Variants in IQGAP2 observed in about 807,000 individuals in gnomAD.
IQGAP2 encodes ras GTPase-activating-like protein IQGAP2.
A neutral mutation model predicts 201.3 loss-of-function variants in IQGAP2; 173 were observed. The observed-to-expected ratio is 0.86, with a 90% confidence interval of 0.76 to 0.98. IQGAP2 has a LOEUF of 0.98. IQGAP2 is among the 50% of genes least tolerant of loss of function. IQGAP2 has a pLI of 0.00. For missense variants in IQGAP2, 1,687 were observed against 1,864.8 expected (o/e 0.90, Z 1.76); for synonymous variants, 675 against 673.9 (o/e 1.00, Z -0.03).
intron 13 of IQGAP2, among the ~76,000 whole-genome samples, chr5:76,620,327 C>T (rs191775882): frequency 8.6e-5 from 13 of 151,860 alleles, no homozygotes; most frequent in Middle Eastern, 6.8e-3. Flanking sequence ...AAGGCAGAGG[C>T]GAACACGTGA....
chr5:76,634,157 C>A (rs151019484), intron 15 of IQGAP2, among the ~76,000 whole-genome samples: 18 of 152,226 alleles, frequency 1.2e-4, no homozygotes, highest in Non-Finnish European at 2.6e-4. Context: ...TGAAATCCAG[C>A]CACACATTAA....
intron 32 of IQGAP2, among the ~76,000 whole-genome samples, chr5:76,697,521 G>A (rs762993944): frequency 3.3e-5 from 5 of 152,154 alleles, no homozygotes; most frequent in Non-Finnish European, 7.4e-5. Flanking sequence ...GCACGGGCCT[G>A]CAGCCCCAGC....
At chr5:76,522,568 C>T (rs550288848) in intron 2 of IQGAP2, among the ~76,000 whole-genome samples, 28 of 152,332 alleles carry the variant, frequency 1.8e-4, no homozygotes, top group African/African-American at 6.7e-4. Context: ...TTCATTTAGG[C>T]ATGCTAAATT....
In IQGAP2 at chr5:76,624,972, G is replaced by A. The variant is rs1238177782; in HGVS notation, c.1522-2438G>A. On this transcript the variant is annotated intron_variant, in intron 13 of 35. Coordinates refer to ENST00000274364, the MANE Select transcript of IQGAP2 (RefSeq NM_006633.5). ...GCCTGTTATCCCAGCTACTTGGGAG[G>A]CTGAGGCAGGAGAATAGCTTGACCC... 2.0e-5 allele frequency among the ~76,000 whole-genome samples: 3 copies of A among 152,188 alleles called. No individual in the cohort carries two copies. The East Asian group carries it at 5.8e-4, about 29-fold the overall frequency.
chr5:76,610,010 C>T (rs1354462642), intron 12 of IQGAP2, among the ~76,000 whole-genome samples: 1 of 129,146 alleles, frequency 7.7e-6, no homozygotes, highest in South Asian at 2.8e-4. Flanking sequence ...GACTTCTGTG[C>T]TTTTCATTTG....
intron 1 of IQGAP2, among the ~76,000 whole-genome samples, chr5:76,432,144 G>C (rs76751674): frequency 1.5e-4 from 1 of 6,658 alleles, no homozygotes; most frequent in South Asian, 3.7e-3. Flanking sequence ...TTTTTTTTTT[G>C]AGATGGAGTC....
At chr5:76,526,451 G>A (rs1363033072) in intron 2 of IQGAP2, among the ~76,000 whole-genome samples, 1 of 152,154 alleles carries the variant, frequency 6.6e-6, no homozygotes, top group East Asian at 1.9e-4. Context: ...AGTGTCAGAA[G>A]TGGGATATAA....
chr5:76,589,779 C>A (rs376754107), intron 7 of IQGAP2, 51 bp downstream of exon 7: 2 of 910,440 alleles, frequency 2.2e-6, no homozygotes, highest in Non-Finnish European at 3.3e-6. Context: ...CTTACCTGTA[C>A]TTTACCTATT....
At chr5:76,496,699 TG>T (rs1756909775) in intron 2 of IQGAP2, among the ~76,000 whole-genome samples, 1 of 71,012 alleles carries the variant, frequency 1.4e-5, no homozygotes, top group African/African-American at 6.6e-5. Flanking sequence ...TCTTTCTTTC[TG>T]TCTCTTTCTT....
At chr5:76,559,602 T>C (rs772890733) in intron 2 of IQGAP2, among the ~76,000 whole-genome samples, 1 of 152,220 alleles carries the variant, frequency 6.6e-6, no homozygotes, top group Non-Finnish European at 1.5e-5. Flanking sequence ...GTTTCTTTTA[T>C]GCCTTTAGTT....
Position 76,637,144 on chromosome 5 carries a change from A to G in IQGAP2, c.1891A>G (p.Lys631Glu), listed in dbSNP as rs181383719. The change falls in exon 16 of 36, where the codon AAA becomes GAA. Residue 631 changes from lysine to glutamate, a missense_variant. By Grantham distance (56) the Lys-to-Glu change is moderately conservative (BLOSUM62 1). Transcript: ENST00000274364. Reference protein sequence around the residue: ...SWVTPESCLYKESWLTGKEIE... With the variant: ...SWVTPESCLYEESWLTGKEIE... ...GGTCACACCTGAATCATGCTTGTAT[A>G]AAGAATCATGGCTCACAGGAAAAGA... 12 of 1,609,664 alleles carry G rather than the reference A, an allele frequency of 7.5e-6. No individual in the cohort carries two copies. The Admixed American group carries it at 2.0e-4, about 27-fold the overall frequency.
intron 11 of IQGAP2, among the ~76,000 whole-genome samples, chr5:76,604,161 T>C (rs2150327858): frequency 6.6e-6 from 1 of 152,062 alleles, no homozygotes; most frequent in South Asian, 2.1e-4. Flanking sequence ...TCGGTGTATG[T>C]TGTTGTTCCC....
intron 1 of IQGAP2, among the ~76,000 whole-genome samples, chr5:76,452,998 C>T (rs1753862512): frequency 6.6e-6 from 1 of 151,232 alleles, no homozygotes; most frequent in South Asian, 2.1e-4. Flanking sequence ...GCAACCTCCG[C>T]CTCCCAGGTC....
intron 1 of IQGAP2, among the ~76,000 whole-genome samples, chr5:76,448,044 G>T (rs1753504423): frequency 6.6e-6 from 1 of 152,154 alleles, no homozygotes; most frequent in African/African-American, 2.4e-5. Flanking sequence ...GATGTGTGGA[G>T]GTCCAGAGAG....
chr5:76,445,790 C>A (rs1218125650), intron 1 of IQGAP2, among the ~76,000 whole-genome samples: 1 of 152,098 alleles, frequency 6.6e-6, no homozygotes. Flanking sequence ...AAGTGTACGT[C>A]TCTGTGGCAT....
At chr5:76,527,224 C>T (rs995028354) in intron 2 of IQGAP2, among the ~76,000 whole-genome samples, 5 of 152,194 alleles carry the variant, frequency 3.3e-5, no homozygotes, top group Non-Finnish European at 7.3e-5. Context: ...GGGAGAGCTT[C>T]GCCTCTGCAG....
rs537995348 is a variant in IQGAP2 at position 76,537,288 on chromosome 5, A to G, written c.147-25108A>G. On this transcript the variant is annotated intron_variant, in intron 2 of 35. Transcript: ENST00000274364. ...AGGTTAATAAAGGCCTGTCCGGAAT[A>G]GTATAATGTGCAGTGGTTTCCAGCC... 9.8e-5 allele frequency among the ~76,000 whole-genome samples: 15 copies of G among 152,346 alleles called. No homozygotes were observed. The South Asian group carries it at 2.9e-3, about 29-fold the overall frequency.
chr5:76,436,517 A>ATTTTTTTT (rs1166580477), intron 1 of IQGAP2, among the ~76,000 whole-genome samples: 1 of 21,042 alleles, frequency 4.8e-5, no homozygotes, highest in African/African-American at 3.1e-4. Context: ...ATATATATAT[A>ATTTTTTTT]TTTTTTTTTT....
chr5:76,668,745 TGG>T lies in IQGAP2; in HGVS notation c.2745_2746del (p.Met915IlefsTer9). On this transcript the variant is annotated frameshift_variant, in exon 23 of 36. Coordinates refer to ENST00000274364, the MANE Select transcript of IQGAP2 (RefSeq NM_006633.5). LOFTEE classifies it high-confidence loss of function. ...CCACAGAACAAGTCCACTAAATTTA[TGG>T]ATACTGTTATTTTCACACTATATAA... 1.2e-6 allele frequency: 2 copies of T among 1,611,246 alleles called. No homozygotes were observed. Among genetic ancestry groups the T allele is most frequent in the Non-Finnish European group, 1.7e-6 (2 of 1,178,128 alleles).
Sources: gnomAD v4.1 joint callset for allele counts (sites outside exome capture counted in the v4.1 genomes callset) on GRCh38, gnomAD v4.1.1 for gene constraint, MANE v1.5 for transcripts, NCBI Gene and HGNC (gene_info 2026-07-23, HGNC 2026-07-21) for gene names.